The following DISP1 variants were observed in gnomAD, a reference collection of about 807,000 sequenced individuals.
The protein encoded by DISP1 is protein dispatched homolog 1.
A neutral mutation model predicts 37.3 loss-of-function variants in DISP1; 30 were observed. The ratio of observed to expected loss-of-function variants is 0.80; its 90% CI spans 0.60 to 1.09. The LOEUF is 1.09. DISP1 is among the 50% of genes least tolerant of loss of function. DISP1 has a pLI of 0.00. For synonymous variants in DISP1, 634 were observed against 690.2 expected, an observed-to-expected ratio of 0.92 and a Z score of 1.28; for missense variants, 1,598 against 1,879.5, an observed-to-expected ratio of 0.85 and a Z score of 2.77.
chr1:222,992,453 C>A (rs2102748846), intron 7 of DISP1, among the ~76,000 whole-genome samples: 1 of 152,238 alleles, frequency 6.6e-6, no homozygotes, highest in South Asian at 2.1e-4. Flanking sequence ...AGTACAGGTA[C>A]ATATTTTTGC....
At chr1:222,897,911 A>G (rs1381017797) in intron 1 of DISP1, among the ~76,000 whole-genome samples, 1 of 152,182 alleles carries the variant, frequency 6.6e-6, no homozygotes, top group Non-Finnish European at 1.5e-5. Context: ...TTTCAAAAGT[A>G]TATTCCCCAT....
At chr1:222,955,975 G>A (rs1300440780) in intron 3 of DISP1, among the ~76,000 whole-genome samples, 1 of 152,196 alleles carries the variant, frequency 6.6e-6, no homozygotes, top group Non-Finnish European at 1.5e-5. Flanking sequence ...GGTTGTAATA[G>A]TTACCAAATA....
intron 1 of DISP1, among the ~76,000 whole-genome samples, chr1:222,925,859 ACT>A (rs1673054920): frequency 6.6e-6 from 1 of 152,148 alleles, no homozygotes; most frequent in African/African-American, 2.4e-5. Flanking sequence ...CCTCATGCAC[ACT>A]CAAGTTAAGA....
In DISP1 at chr1:223,004,714, C is replaced by T. The variant is rs1423095017; in HGVS notation, c.3317C>T (p.Thr1106Ile). The change falls in exon 9 of 9, where the codon ACC becomes ATC. Residue 1106 changes from threonine (T) to isoleucine (I), a missense_variant. Transcript: ENST00000675850. This position sits in a 1 kb window ranked among gnomAD's most constrained non-coding sequence, Gnocchi z 4.9. The part of the protein sequence containing the change: ...MMMPSTVLAY[T>I]QLGTFMMLIM... ...ATGCCCTCCACAGTTCTAGCTTACA[C>T]CCAGCTGGGCACCTTCATGATGCTC... The T allele has an allele frequency of 6.2e-7, 1 of 1,613,862 alleles. No homozygotes were observed. Among genetic ancestry groups the T allele is most frequent in the Non-Finnish European group, 8.5e-7 (1 of 1,180,038 alleles).
chr1:222,842,969 A>G (rs1326023628), intron 1 of DISP1, among the ~76,000 whole-genome samples: 2 of 152,060 alleles, frequency 1.3e-5, no homozygotes. Context: ...GTTCATTCGT[A>G]GTTAATAAAT....
Position 222,984,450 on chromosome 1 carries a change from A to C in DISP1, c.539+1341A>C, listed in dbSNP as rs891503215. 3.5e-5 allele frequency among the ~76,000 whole-genome samples: 5 copies of C among 144,192 alleles called. No individual in the cohort carries two copies. In the Admixed American group the frequency reaches 3.5e-4, roughly 10 times the overall value. 94.6% of individuals were successfully genotyped at this position (144,192 alleles called of 152,430 possible). A position where few individuals can be genotyped will look rare whatever the true frequency, so the allele number is the denominator to read the frequency against. The stretch of plus-strand genomic sequence containing the variant: ...TATATATATATAGAGAGAGAGAGAG[A>C]GAGAGAGAGCGTACTCATATATGTT... On this transcript the variant is annotated intron_variant, in intron 4 of 8. Coordinates refer to ENST00000675850, the MANE Select transcript of DISP1 (RefSeq NM_001377229.1).
chr1:222,831,511 CAGCTTAG>C (rs1251949073), intron 1 of DISP1, among the ~76,000 whole-genome samples: 47 of 152,178 alleles, frequency 3.1e-4, no homozygotes, highest in Non-Finnish European at 5.9e-5. Context: ...AAAGACCCTA[CAGCTTAG>C]AACTGCTGAA....
At chr1:222,920,031 C>A (rs749629259) in intron 1 of DISP1, among the ~76,000 whole-genome samples, 1 of 152,114 alleles carries the variant, frequency 6.6e-6, no homozygotes, top group South Asian at 2.1e-4. Flanking sequence ...TATATTCCTA[C>A]GGAGTCTAAC....
chr1:222,894,737 G>A (rs1232674456), intron 1 of DISP1, among the ~76,000 whole-genome samples: 1 of 152,226 alleles, frequency 6.6e-6, no homozygotes, highest in East Asian at 1.9e-4. Context: ...ACCTGTTCCC[G>A]CTCCCGCTGG....
chr1:222,984,435 T>TAG (rs369654102), intron 4 of DISP1, among the ~76,000 whole-genome samples: 13,044 of 108,100 alleles, frequency 0.12, 1,383 homozygotes, highest in Middle Eastern at 0.17. Flanking sequence ...TATATATATA[T>TAG]AGAGAGAGAG....
In DISP1 at chr1:222,984,403, C is replaced by CAAAAA. The variant is rs143486728; in HGVS notation, c.539+1309_539+1313dup. 2.5e-3 allele frequency among the ~76,000 whole-genome samples: 74 copies of CAAAAA among 30,006 alleles called. 4 individuals are homozygous for CAAAAA. The highest frequency in any genetic ancestry group is 8.2e-3 in the African/African-American group (61 of 7,468). The allele number at this position is 30,006 out of a possible 152,430, so 19.7% of individuals were successfully genotyped here. A position where few individuals can be genotyped will look rare whatever the true frequency, so the allele number is the denominator to read the frequency against. ...TGGGTGGCAGAGCCAGACTCTGTCT[C>CAAAAA]AAAAAAAAAAAAAAAAAAATATATA... On this transcript the variant is annotated intron_variant, in intron 4 of 8. Coordinates refer to ENST00000675850, the MANE Select transcript of DISP1 (RefSeq NM_001377229.1).
intron 1 of DISP1, among the ~76,000 whole-genome samples, chr1:222,876,173 C>G (rs1385210857): frequency 1.3e-5 from 2 of 152,154 alleles, no homozygotes; most frequent in African/African-American, 4.8e-5. Context: ...AAATTTTTAA[C>G]TGCTAATCTT....
At chr1:222,943,491 A>G in intron 3 of DISP1, 159 bp downstream of exon 3, 1 of 912,240 alleles carries the variant, frequency 1.1e-6, no homozygotes, top group Non-Finnish European at 1.7e-6. Flanking sequence ...CAAAAACGCA[A>G]ATAAAATAAT....
chr1:222,978,996 C>T (rs61837504), intron 3 of DISP1, among the ~76,000 whole-genome samples: 90,271 of 151,590 alleles, frequency 0.6, 28,251 homozygotes, highest in East Asian at 0.7. Flanking sequence ...ATTGACTTGG[C>T]GATGCAGGCT....
chr1:222,952,964 C>T (rs1675339381), intron 3 of DISP1, among the ~76,000 whole-genome samples: 1 of 152,172 alleles, frequency 6.6e-6, no homozygotes, highest in African/African-American at 2.4e-5. Flanking sequence ...CAATTACATT[C>T]CACAAAAGCC....
At chr1:222,899,416 A>C (rs190341414) in intron 1 of DISP1, among the ~76,000 whole-genome samples, 4 of 152,358 alleles carry the variant, frequency 2.6e-5, no homozygotes, top group Admixed American at 2.6e-4. Flanking sequence ...AGAGTAATTA[A>C]ATAAATGGTT....
intron 1 of DISP1, among the ~76,000 whole-genome samples, chr1:222,848,755 T>C (rs1004093292): frequency 6.6e-6 from 1 of 152,160 alleles, no homozygotes; most frequent in Non-Finnish European, 1.5e-5. Context: ...AATAAATAAA[T>C]ATAAATAACA....
chr1:222,975,909 G>T (rs1268399976), intron 3 of DISP1, among the ~76,000 whole-genome samples: 1 of 152,166 alleles, frequency 6.6e-6, no homozygotes, highest in South Asian at 2.1e-4. Flanking sequence ...TTCTTGAGTG[G>T]GAGAGAAAGA....
At chr1:222,923,920 G>A (rs950353148) in intron 1 of DISP1, among the ~76,000 whole-genome samples, 3 of 152,122 alleles carry the variant, frequency 2.0e-5, no homozygotes, top group Non-Finnish European at 2.9e-5. Flanking sequence ...TCTTAACTAA[G>A]CACAAAGCAA....
Sources: gnomAD v4.1 joint callset for allele counts (sites outside exome capture counted in the v4.1 genomes callset) on GRCh38, gnomAD v4.1.1 for gene constraint, Gnocchi (gnomAD v3.1) non-coding constraint, MANE v1.5 for transcripts, NCBI Gene and HGNC (gene_info 2026-07-23, HGNC 2026-07-21) for gene names.